The following SYT14 variants were observed in gnomAD, a reference collection of about 807,000 sequenced individuals.
The protein encoded by SYT14 is synaptotagmin-14.
In SYT14, 32 loss-of-function variants were observed where a neutral mutation model predicts 74.2. The observed-to-expected ratio is 0.43, with a 90% CI of 0.33 to 0.58. The LOEUF (loss-of-function observed/expected upper bound fraction) is 0.58. SYT14 is among the 20% of genes least tolerant of loss of function. The pLI is 0.05. For synonymous variants in SYT14, 298 were observed against 337.7 expected, an observed-to-expected ratio of 0.88 and a Z score of 1.29; for missense variants, 791 against 981.8, an observed-to-expected ratio of 0.81 and a Z score of 2.60.
chr1:209,958,476 G>A (rs2079027121), intron 2 of SYT14, among the ~76,000 whole-genome samples: 1 of 151,642 alleles, frequency 6.6e-6, no homozygotes, highest in Non-Finnish European at 1.5e-5. Context: ...CTAGATCTAT[G>A]TGGAGACGAT....
intron 2 of SYT14, among the ~76,000 whole-genome samples, chr1:209,997,923 A>G (rs1236886280): frequency 6.6e-6 from 1 of 151,974 alleles, no homozygotes; most frequent in Non-Finnish European, 1.5e-5. Context: ...TTTGGTGACT[A>G]CTCCATGGAA....
intron 2 of SYT14, among the ~76,000 whole-genome samples, chr1:209,997,032 C>T (rs933318828): frequency 6.6e-6 from 1 of 152,012 alleles, no homozygotes; most frequent in African/African-American, 2.4e-5. Context: ...AAGCTAGAAC[C>T]TTTCTCCTTG....
intron 5 of SYT14, among the ~76,000 whole-genome samples, chr1:210,065,575 A>G (rs2081281133): frequency 1.3e-5 from 2 of 151,940 alleles, no homozygotes; most frequent in East Asian, 1.9e-4. Flanking sequence ...ATTTTTATTT[A>G]AAATTGAGAC....
chr1:210,143,473 T>C (rs2082962637), intron 7 of SYT14, among the ~76,000 whole-genome samples: 1 of 152,186 alleles, frequency 6.6e-6, no homozygotes, highest in Non-Finnish European at 1.5e-5. Flanking sequence ...GAGTATATTA[T>C]ATTCATTTGC....
chr1:209,980,979 TA>T (rs2079473416), intron 2 of SYT14, among the ~76,000 whole-genome samples: 1 of 152,222 alleles, frequency 6.6e-6, no homozygotes, highest in East Asian at 1.9e-4. Flanking sequence ...TCTAATTCTG[TA>T]AACAATGTCA....
chr1:210,117,795 G>A (rs1404525248), intron 7 of SYT14, among the ~76,000 whole-genome samples: 1 of 152,112 alleles, frequency 6.6e-6, no homozygotes, highest in East Asian at 1.9e-4. Context: ...AGGTTTAAAG[G>A]TCAAGTCTCA....
chr1:210,156,974 G>A (rs572146948), intron 8 of SYT14: 22 of 236,596 alleles, frequency 9.3e-5, no homozygotes, highest in South Asian at 4.3e-4. Flanking sequence ...GATTACAGGC[G>A]TGAGCCACTG....
At chr1:210,014,012 A>C (rs1263095656) in intron 3 of SYT14, among the ~76,000 whole-genome samples, 2 of 152,200 alleles carry the variant, frequency 1.3e-5, no homozygotes, top group African/African-American at 4.8e-5. Context: ...CTACTATGAC[A>C]AAATGACATT....
intron 1 of SYT14, among the ~76,000 whole-genome samples, chr1:209,947,097 A>G (rs899715516): frequency 2.6e-5 from 4 of 152,232 alleles, no homozygotes; most frequent in Non-Finnish European, 5.9e-5. Context: ...TCAAAATGTT[A>G]CTGCTCATTG....
At chr1:210,051,529 G>A (rs967479207) in intron 5 of SYT14, among the ~76,000 whole-genome samples, 2 of 152,058 alleles carry the variant, frequency 1.3e-5, no homozygotes, top group African/African-American at 4.8e-5. Flanking sequence ...CCACTCACCT[G>A]TGTAGATAAC....
At chr1:210,170,699 A>G (rs2083515371) in exon 10 of SYT14, 1 of 152,162 alleles carries the variant, frequency 6.6e-6, no homozygotes, top group Admixed American at 6.5e-5. Context: ...ATAAATGTTA[A>G]TATGACTGTT....
intron 2 of SYT14, among the ~76,000 whole-genome samples, chr1:209,975,831 T>A (rs1214406822): frequency 6.6e-6 from 1 of 152,172 alleles, no homozygotes; most frequent in African/African-American, 2.4e-5. Context: ...ATCCATCTGA[T>A]CCGGGCCTTT....
At chr1:210,116,814 G>T (rs1215184129) in intron 7 of SYT14, among the ~76,000 whole-genome samples, 1 of 151,988 alleles carries the variant, frequency 6.6e-6, no homozygotes. Flanking sequence ...AAACACAGGT[G>T]TTCAATGAAC....
chr1:210,145,241 C>G (rs1192042743), intron 7 of SYT14, among the ~76,000 whole-genome samples: 1 of 152,092 alleles, frequency 6.6e-6, no homozygotes, highest in African/African-American at 2.4e-5. Context: ...CAAGTATTAT[C>G]TCAAGTAAAG....
chr1:210,109,482 G>A (rs956477030), intron 7 of SYT14, among the ~76,000 whole-genome samples: 3 of 151,670 alleles, frequency 2.0e-5, no homozygotes, highest in African/African-American at 7.3e-5. Flanking sequence ...GGACGCTGAG[G>A]CAGGGGAATC....
intron 7 of SYT14, among the ~76,000 whole-genome samples, chr1:210,134,487 A>G (rs1026086195): frequency 3.3e-5 from 5 of 152,182 alleles, no homozygotes; most frequent in African/African-American, 1.2e-4. Context: ...TAAGCTTAGC[A>G]TCATCATTAG....
intron 2 of SYT14, among the ~76,000 whole-genome samples, chr1:210,000,771 G>A (rs748769599): frequency 6.6e-5 from 10 of 151,452 alleles, no homozygotes; most frequent in Non-Finnish European, 8.8e-5. Flanking sequence ...CTGCCACCGC[G>A]CCAGGCTAAT....
exon 10 of SYT14, chr1:210,162,196 A>G (rs2102732179): frequency 2.3e-6 from 1 of 432,382 alleles, no homozygotes; most frequent in Admixed American, 2.5e-5. Context: ...GACTTTATGA[A>G]ATTAACAGAT....
intron 5 of SYT14, among the ~76,000 whole-genome samples, chr1:210,059,501 TACATTA>T (rs1241112968): frequency 7.2e-6 from 1 of 138,162 alleles, no homozygotes; most frequent in Non-Finnish European, 1.5e-5. Context: ...TGAATAGGAT[TACATTA>T]ACATTATTTC....
Sources: allele counts gnomAD v4.1 joint callset (sites outside exome capture counted in the v4.1 genomes callset), GRCh38; gene constraint gnomAD v4.1.1; transcripts MANE v1.5; gene names NCBI Gene and HGNC (gene_info 2026-07-23, HGNC 2026-07-21).